SCN4A: variants seen among roughly 807,000 people sequenced by gnomAD.
SCN4A encodes the protein sodium channel protein type 4 subunit alpha.
In SCN4A, 83 loss-of-function variants were observed where a neutral mutation model predicts 162.0. The ratio of observed to expected loss-of-function variants is 0.51; its 90% CI spans 0.43 to 0.61. The LOEUF is 0.61. Ranked by LOEUF, SCN4A falls within the 20% of genes least tolerant of loss-of-function variation. The probability of loss-of-function intolerance (pLI) is 0.00; values close to 1 mark genes in which losing one functional copy is unlikely to be tolerated. For synonymous variants in SCN4A, 944 were observed against 985.1 expected, an observed-to-expected ratio of 0.96 and a Z score of 0.78; for missense variants, 2,196 against 2,462.5, an observed-to-expected ratio of 0.89 and a Z score of 2.29.
Position 63,972,775 on chromosome 17 carries a change from C to T in SCN4A, c.67G>A (p.Glu23Lys), listed in dbSNP as rs756692670. ...GPECLRPFTRESLAAIEQRAV... is the reference protein window; with the variant it reads ...GPECLRPFTRKSLAAIEQRAV... The stretch of plus-strand genomic sequence containing the variant: ...CGCTGTTCTATGGCTGCCAGTGACT[C>T]CCGGGTGAAGGGGCGCAAGCACTCA... The change falls in exon 1 of 24, where the codon GAG becomes AAG. Residue 23 changes from glutamate to lysine, a missense_variant. Glu to Lys is a moderately conservative substitution (Grantham distance 56). Transcript: ENST00000435607. This position sits in a 1 kb window ranked among gnomAD's most constrained non-coding sequence, Gnocchi z 4.3. 8.1e-6 allele frequency: 13 copies of T among 1,613,654 alleles called. No homozygotes were observed. The Admixed American group carries it at 2.0e-4, about 25-fold the overall frequency.
chr17:63,968,206 G>A lies in SCN4A; in HGVS notation c.853C>T (p.Pro285Ser). The change falls in exon 6 of 24, where the codon CCG becomes TCG. Residue 285 changes from proline to serine, a missense_variant. Pro to Ser is a moderately conservative substitution (Grantham distance 74, BLOSUM62 -1). Transcript: ENST00000435607. ...GTGGTGTTGGTGTCGTTGAACGGCG[G>A]GGGCCAGCGCACACACTTCTGCCTC... Reference protein sequence around the residue: ...NLRQKCVRWPPPFNDTNTTWY... With the variant: ...NLRQKCVRWPSPFNDTNTTWY... 6.2e-7 allele frequency: 1 copy of A among 1,614,000 alleles called. No homozygotes were observed. Among genetic ancestry groups the A allele is most frequent in the South Asian group, 1.1e-5 (1 of 91,086 alleles).
In SCN4A at chr17:63,940,481, G is replaced by A. The variant is rs1908482144; in HGVS notation, c.*290C>T. The A allele has an allele frequency of 2.5e-6, 1 of 396,978 alleles. No homozygotes were observed. 24.6% of individuals were successfully genotyped at this position (396,978 alleles called of 1,614,324 possible). A position where few individuals can be genotyped will look rare whatever the true frequency, so the allele number is the denominator to read the frequency against. ...GTTCTGACCTCCCCCAGGCCAAAAG[G>A]AGGGGCGACAGGGCCCAGAGGAGGT... On this transcript the variant is annotated 3_prime_UTR_variant, in exon 24 of 24. Transcript: ENST00000435607.
At chr17:63,965,957 A>G (rs1188252377) in intron 8 of SCN4A, 145 bp downstream of exon 8, 1 of 637,250 alleles carries the variant, frequency 1.6e-6, no homozygotes, top group African/African-American at 1.8e-5. Flanking sequence ...ACAAGCTCCT[A>G]TAAGGGCACT....
rs1301917689 is a variant in SCN4A, at chr17:63,972,457, A to C, written c.287T>G (p.Leu96Arg). The change falls in exon 2 of 24, where the codon CTC (leucine) becomes CGC (arginine). Residue 96 changes from leucine to arginine, a missense_variant. Leu to Arg is a moderately radical substitution (Grantham distance 102). Transcript: ENST00000435607. The surrounding 1 kb of genome is among the most constrained non-coding windows in gnomAD (Gnocchi z 4.3). Reference protein sequence around the residue: ...YYSNKKTFIVLNKGKAIFRFS... With the variant: ...YYSNKKTFIVRNKGKAIFRFS... ...GCGGAAGATGGCCTTGCCCTTGTTG[A>C]GTACGATGAAGGTCTAAGGTGGGAG... The C allele has an allele frequency of 6.2e-7, 1 of 1,613,680 alleles. No homozygotes were observed. Among genetic ancestry groups the C allele is most frequent in the Non-Finnish European group, 8.5e-7 (1 of 1,179,830 alleles).
intron 5 of SCN4A, 74 bp from the exon 6 acceptor site, chr17:63,968,429 G>T: frequency 7.8e-7 from 1 of 1,280,790 alleles, no homozygotes; most frequent in Non-Finnish European, 1.1e-6. Context: ...GGCCCCCACC[G>T]CCAAGCTTTT....
chr17:63,967,304 C>T (rs1909479806), intron 6 of SCN4A, among the ~76,000 whole-genome samples: 1 of 152,174 alleles, frequency 6.6e-6, no homozygotes, highest in Middle Eastern at 3.4e-3. Flanking sequence ...AGGCATGCGT[C>T]ACCACGCCCG....
At chr17:63,959,949 C>A (rs1473646199) in intron 11 of SCN4A, among the ~76,000 whole-genome samples, 1 of 152,208 alleles carries the variant, frequency 6.6e-6, no homozygotes, top group South Asian at 2.1e-4. Flanking sequence ...TGTCTGTATG[C>A]CTACAGCCTC....
intron 13 of SCN4A, among the ~76,000 whole-genome samples, chr17:63,954,969 T>C (rs2144790702): frequency 6.6e-6 from 1 of 152,266 alleles, no homozygotes; most frequent in East Asian, 1.9e-4. Flanking sequence ...CTATAAAACA[T>C]GAACCAGCGC....
intron 6 of SCN4A, among the ~76,000 whole-genome samples, chr17:63,967,030 G>T (rs571583229): frequency 3.3e-4 from 50 of 152,296 alleles, no homozygotes; most frequent in African/African-American, 1.2e-3. Flanking sequence ...TGGGTGTGTG[G>T]GTGGGTGATG....
intron 13 of SCN4A, among the ~76,000 whole-genome samples, chr17:63,953,723 GA>G (rs1320952972): frequency 6.6e-6 from 1 of 151,632 alleles, no homozygotes. Flanking sequence ...AAGAAAGAAA[GA>G]AAGTTATACA....
rs1430965826 is a variant in SCN4A at position 63,972,061 on chromosome 17, C to A, written c.482+75G>T. On this transcript the variant is annotated intron_variant, in intron 3 of 23. Transcript: ENST00000435607. The surrounding 1 kb of genome is among the most constrained non-coding windows in gnomAD (Gnocchi z 4.3). ...GTGTCTCCCTGAAAGACAAGAGCAG[C>A]ACCACACAGAGGTGCAAACACCTGA... The A allele has an allele frequency of 7.4e-6, 9 of 1,212,392 alleles. No homozygotes were observed. The highest frequency in any genetic ancestry group is 1.1e-5 in the Non-Finnish European group (9 of 832,782). 75.1% of individuals were successfully genotyped at this position (1,212,392 alleles called of 1,614,324 possible). A position where few individuals can be genotyped will look rare whatever the true frequency, so the allele number is the denominator to read the frequency against.
rs748441781 is a variant in SCN4A at position 63,940,936 on chromosome 17, G to GT, written c.5345dup (p.His1782GlnfsTer65). On this transcript the variant is annotated frameshift_variant, in exon 24 of 24. Coordinates refer to ENST00000435607, the MANE Select transcript of SCN4A (RefSeq NM_000334.4). LOFTEE classifies it low-confidence loss of function (END_TRUNC). Reference sequence around the variant, plus strand: ...TTGGCGAGCTGCTGTTCCCATTCTCGTGGCCATACATCTTGCTCATGGTGT... The same window carrying GT: ...TTGGCGAGCTGCTGTTCCCATTCTCGTTGGCCATACATCTTGCTCATGGTGT... 3 of 1,613,948 alleles carry GT rather than the reference G, an allele frequency of 1.9e-6. No individual in the cohort carries two copies. Among genetic ancestry groups the GT allele is most frequent in the Non-Finnish European group, 2.5e-6 (3 of 1,179,862 alleles).
rs1364690519 is a variant in SCN4A at position 63,963,665 on chromosome 17, C to A, written c.1606+7G>T. The stretch of plus-strand genomic sequence containing the variant: ...CCTAAGTGGGCACGGGGGCACAAGG[C>A]ACTCACCTTCCATGGCGTCGGAGAT... On this transcript the variant is annotated splice_region_variant and intron_variant, in intron 10 of 23. Coordinates refer to ENST00000435607, the MANE Select transcript of SCN4A (RefSeq NM_000334.4). 19 of 1,564,334 alleles carry A rather than the reference C, an allele frequency of 1.2e-5. No individual in the cohort carries two copies. Among genetic ancestry groups the A allele is most frequent in the Non-Finnish European group, 1.6e-5 (18 of 1,155,474 alleles).
In SCN4A at chr17:63,961,198, TG is replaced by T; in HGVS notation, c.1839del (p.Asn614ThrfsTer14). The T allele has an allele frequency of 6.8e-7, 1 of 1,474,026 alleles. No homozygotes were observed. Among genetic ancestry groups the T allele is most frequent in the Non-Finnish European group, 9.3e-7 (1 of 1,076,056 alleles). 91.3% of individuals were successfully genotyped at this position (1,474,026 alleles called of 1,614,324 possible). ...TEHFDNVLTV[G>X]NLVFTGIFTA... ...CCTCCCCCGCCCCTCCCTACCAGGT[TG>T]CCCACAGTGAGCACGTTGTCAAAGT... On this transcript the variant is annotated frameshift_variant, in exon 11 of 24. Coordinates refer to ENST00000435607, the MANE Select transcript of SCN4A (RefSeq NM_000334.4). LOFTEE classifies it high-confidence loss of function.
Position 63,951,915 on chromosome 17 carries a change from C to A in SCN4A, c.2377-15G>T. 1.3e-6 allele frequency: 2 copies of A among 1,486,372 alleles called. No homozygotes were observed. Among genetic ancestry groups the A allele is most frequent in the African/African-American group, 1.4e-5 (1 of 72,304 alleles). 92.1% of individuals were successfully genotyped at this position (1,486,372 alleles called of 1,614,324 possible). On this transcript the variant is annotated splice_polypyrimidine_tract_variant and intron_variant, in intron 13 of 23. Transcript: ENST00000435607. The surrounding 1 kb of genome is among the most constrained non-coding windows in gnomAD (Gnocchi z 4.5). ...AGGTTCAGGACCTGGGGCATGGGGT[C>A]AGGGGGAGCCTCACATCAGTCCCCG...
At chr17:63,954,311 T>C (rs1031042817) in intron 13 of SCN4A, among the ~76,000 whole-genome samples, 1 of 152,196 alleles carries the variant, frequency 6.6e-6, no homozygotes, top group African/African-American at 2.4e-5. Flanking sequence ...CTCCCCGCCA[T>C]GTCCCCTAGA....
In SCN4A at chr17:63,944,980, A is replaced by G. The variant is rs1908665726; in HGVS notation, c.3774+27T>C. On this transcript the variant is annotated intron_variant, in intron 20 of 23. Transcript: ENST00000435607. The surrounding 1 kb of genome is among the most constrained non-coding windows in gnomAD (Gnocchi z 4.3). ...AGTCCTCTTCCCTGGCTCGCTCACC[A>G]GCCACATCTCAGCGACCCCGACTCA... 1 of 1,611,990 alleles carries G rather than the reference A, an allele frequency of 6.2e-7. No individual in the cohort carries two copies. Among genetic ancestry groups the G allele is most frequent in the African/African-American group, 1.3e-5 (1 of 74,820 alleles).
rs770493707 is a variant in SCN4A at position 63,945,431 on chromosome 17, G to T, written c.3649C>A (p.Gln1217Lys). 1.2e-6 allele frequency: 2 copies of T among 1,613,808 alleles called. No individual in the cohort carries two copies. Among genetic ancestry groups the T allele is most frequent in the African/African-American group, 2.7e-5 (2 of 74,904 alleles). ...ACCTTGACATTGAGCCAGCGGACCT[G>T]GCCTGTGTGCATGAGGCTCTCGCAC... ...SECESLMHTG[Q>K]VRWLNVKVNY... Residue 1217 changes from glutamine (Q) to lysine (K), a missense_variant, in exon 19 of 24, where the codon CAG becomes AAG. Gln to Lys is a moderately conservative substitution (Grantham distance 53, BLOSUM62 1). Transcript: ENST00000435607. This position sits in a 1 kb window ranked among gnomAD's most constrained non-coding sequence, Gnocchi z 4.4.
In SCN4A at chr17:63,963,656, G is replaced by T. The variant is rs1390492373; in HGVS notation, c.1606+16C>A. The T allele has an allele frequency of 1.3e-6, 2 of 1,549,542 alleles. No individual in the cohort carries two copies. Among genetic ancestry groups the T allele is most frequent in the Non-Finnish European group, 8.7e-7 (1 of 1,148,528 alleles). On this transcript the variant is annotated intron_variant, in intron 10 of 23. Transcript: ENST00000435607. ...CCACCCCTACCTAAGTGGGCACGGG[G>T]GCACAAGGCACTCACCTTCCATGGC...
Sources: gnomAD v4.1 joint callset for allele counts (sites outside exome capture counted in the v4.1 genomes callset) on GRCh38, gnomAD v4.1.1 for gene constraint, Gnocchi (gnomAD v3.1) non-coding constraint, MANE v1.5 for transcripts, NCBI Gene and HGNC (gene_info 2026-07-23, HGNC 2026-07-21) for gene names.